XKR4: variants seen among roughly 807,000 people sequenced by gnomAD.
XKR4 encodes the protein XK-related protein 4.
In XKR4, 12 loss-of-function variants were observed where a neutral mutation model predicts 53.9. That is an observed-to-expected ratio of 0.22 (90% CI 0.14 to 0.36). XKR4 has a LOEUF of 0.36. Among genes scored for constraint, XKR4 ranks in the 10% least tolerant of loss-of-function variants. XKR4 has a pLI of 1.00. For missense variants in XKR4, 799 were observed against 859.5 expected, an observed-to-expected ratio of 0.93 and a Z score of 0.88; for synonymous variants, 354 against 362.4, an observed-to-expected ratio of 0.98 and a Z score of 0.26.
At chr8:55,408,627 C>A (rs1478121986) in intron 2 of XKR4, among the ~76,000 whole-genome samples, 1 of 152,140 alleles carries the variant, frequency 6.6e-6, no homozygotes, top group Non-Finnish European at 1.5e-5. Flanking sequence ...GCCCTGAGGT[C>A]TCCTGGCAGG....
At chr8:55,241,304 G>GT (rs1020298206) in intron 1 of XKR4, among the ~76,000 whole-genome samples, 11 of 152,180 alleles carry the variant, frequency 7.2e-5, no homozygotes, top group East Asian at 1.9e-4. Flanking sequence ...AACACTCAGT[G>GT]TTTTTTCTGC....
chr8:55,491,824 G>A (rs59157321), intron 2 of XKR4, among the ~76,000 whole-genome samples: 7,893 of 152,142 alleles, frequency 0.052, 587 homozygotes, highest in East Asian at 0.27. Context: ...AAAACGTACA[G>A]TATCACAACC....
rs2129407467 is a variant in XKR4, at chr8:55,537,909, A to G, written c.*13682A>G. The G allele has an allele frequency of 6.6e-6, 1 of 152,284 alleles. No individual in the cohort carries two copies. The highest frequency in any genetic ancestry group is 1.5e-5 in the Non-Finnish European group (1 of 68,020). 9.4% of individuals were successfully genotyped at this position (152,284 alleles called of 1,614,324 possible). The stretch of plus-strand genomic sequence containing the variant: ...ATCTTTTTACCTTCATGTTACCAAC[A>G]GGATGTTTAGTTGAATCAGCAACAA... On this transcript the variant is annotated 3_prime_UTR_variant, in exon 3 of 3. Coordinates refer to ENST00000327381, the MANE Select transcript of XKR4 (RefSeq NM_052898.2).
chr8:55,223,907 G>T (rs992332479), intron 1 of XKR4, among the ~76,000 whole-genome samples: 2 of 152,050 alleles, frequency 1.3e-5, no homozygotes, highest in East Asian at 1.9e-4. Flanking sequence ...TGAGCAGAAA[G>T]AATAGACCTA....
chr8:55,182,134 A>G (rs1167475675), intron 1 of XKR4, among the ~76,000 whole-genome samples: 1 of 152,040 alleles, frequency 6.6e-6, no homozygotes, highest in Admixed American at 6.6e-5. Flanking sequence ...TTAAAAATTC[A>G]TTATGAATTT....
intron 1 of XKR4, among the ~76,000 whole-genome samples, chr8:55,215,401 C>A (rs568673284): frequency 6.6e-6 from 1 of 152,282 alleles, no homozygotes; most frequent in Non-Finnish European, 1.5e-5. Flanking sequence ...ACAGACAATT[C>A]ATTATATGGT....
At chr8:55,286,017 T>C (rs557138822) in intron 1 of XKR4, among the ~76,000 whole-genome samples, 1 of 152,212 alleles carries the variant, frequency 6.6e-6, no homozygotes, top group African/African-American at 2.4e-5. Flanking sequence ...TCTCACCTAC[T>C]GTGTGTATAA....
chr8:55,455,256 G>T, intron 2 of XKR4: 1 of 176,352 alleles, frequency 5.7e-6, no homozygotes, highest in Non-Finnish European at 1.2e-5. Flanking sequence ...CGCGGCGGCC[G>T]CAGCGGCTGC....
At chr8:55,193,908 A>C (rs189397597) in intron 1 of XKR4, among the ~76,000 whole-genome samples, 1 of 152,326 alleles carries the variant, frequency 6.6e-6, no homozygotes, top group Admixed American at 6.5e-5. Flanking sequence ...CTCCTGCCTC[A>C]TAGCCGACCT....
At chr8:55,425,193 T>A (rs953346678) in intron 2 of XKR4, among the ~76,000 whole-genome samples, 1 of 152,160 alleles carries the variant, frequency 6.6e-6, no homozygotes, top group African/African-American at 2.4e-5. Context: ...TCTTTTCTGA[T>A]CCCTGGAGGC....
chr8:55,393,194 G>A (rs2975949), intron 2 of XKR4, among the ~76,000 whole-genome samples: 14,422 of 152,048 alleles, frequency 0.095, 1,407 homozygotes, highest in African/African-American at 0.25. Context: ...GTGAGACAAG[G>A]TGTCATATGT....
intron 1 of XKR4, among the ~76,000 whole-genome samples, chr8:55,193,760 C>A (rs1452433898): frequency 6.6e-6 from 1 of 152,194 alleles, no homozygotes; most frequent in Non-Finnish European, 1.5e-5. Flanking sequence ...CCCCTCAGGT[C>A]CCCAGATCCC....
At chr8:55,468,971 C>G (rs757053671) in intron 2 of XKR4, among the ~76,000 whole-genome samples, 4 of 152,130 alleles carry the variant, frequency 2.6e-5, no homozygotes, top group Admixed American at 1.3e-4. Context: ...CTTGCTATCC[C>G]TCTCGAACTA....
In XKR4 at chr8:55,526,478, G is replaced by A. The variant is rs1158383114; in HGVS notation, c.*2251G>A. The A allele has an allele frequency of 6.6e-6, 1 of 152,166 alleles. No individual in the cohort carries two copies. Among genetic ancestry groups the A allele is most frequent in the Admixed American group, 6.5e-5 (1 of 15,274 alleles). 9.4% of individuals were successfully genotyped at this position (152,166 alleles called of 1,614,324 possible). A position where few individuals can be genotyped will look rare whatever the true frequency, so the allele number is the denominator to read the frequency against. ...GAAAGATTACCTAGTCACCAGTAAA[G>A]GCCCAGGAAAAGGCTCTTCTTGTCA... On this transcript the variant is annotated 3_prime_UTR_variant, in exon 3 of 3. Coordinates refer to ENST00000327381, the MANE Select transcript of XKR4 (RefSeq NM_052898.2).
chr8:55,215,072 G>GT (rs1197743497), intron 1 of XKR4, among the ~76,000 whole-genome samples: 1 of 103,132 alleles, frequency 9.7e-6, no homozygotes, highest in Non-Finnish European at 2.6e-5. Flanking sequence ...TTAGAGTATG[G>GT]TTAAAAAAAA....
At chr8:55,448,340 T>C (rs1314671112) in intron 2 of XKR4, among the ~76,000 whole-genome samples, 1 of 152,180 alleles carries the variant, frequency 6.6e-6, no homozygotes, top group African/African-American at 2.4e-5. Flanking sequence ...ATCAATGAAA[T>C]GAAAAACACT....
chr8:55,346,743 C>T (rs1803651446), intron 1 of XKR4, among the ~76,000 whole-genome samples: 2 of 134,034 alleles, frequency 1.5e-5, no homozygotes, highest in African/African-American at 2.9e-5. Context: ...AGCTTTGTAG[C>T]CAGGCAACAG....
chr8:55,335,273 G>C (rs1443641239), intron 1 of XKR4, among the ~76,000 whole-genome samples: 1 of 152,034 alleles, frequency 6.6e-6, no homozygotes, highest in Non-Finnish European at 1.5e-5. Flanking sequence ...TATTTCCAAA[G>C]AATCATTTAC....
Position 55,487,480 on chromosome 8 carries a change from TC to T in XKR4, c.1007-35800del, listed in dbSNP as rs1273584938. Among the ~76,000 whole-genome samples, 90 of 149,080 alleles carry T rather than the reference TC, an allele frequency of 6.0e-4. 1 individual carries two copies. The highest frequency in any genetic ancestry group is 1.7e-3 in the Admixed American group (25 of 15,034). ...TAGACATGCTTTCTTTTTTTTTTTT[TC>T]TTGAGACAGAGTCTTACTCTGTCAC... On this transcript the variant is annotated intron_variant, in intron 2 of 2. Coordinates refer to ENST00000327381, the MANE Select transcript of XKR4 (RefSeq NM_052898.2).
Sources: gnomAD v4.1 joint callset for allele counts (sites outside exome capture counted in the v4.1 genomes callset) on GRCh38, gnomAD v4.1.1 for gene constraint, MANE v1.5 for transcripts, NCBI Gene and HGNC (gene_info 2026-07-23, HGNC 2026-07-21) for gene names.